LRP1B: variants seen among roughly 807,000 people sequenced by gnomAD.
LRP1B encodes the protein low-density lipoprotein receptor-related protein 1B.
LRP1B carries 217 observed loss-of-function variants against 556.6 expected under a neutral mutation model. The ratio of observed to expected loss-of-function variants is 0.39; its 90% CI spans 0.35 to 0.44. The LOEUF is 0.44. LRP1B is among the 20% of genes least tolerant of loss of function. The probability of loss-of-function intolerance (pLI) is 1.00; values close to 1 mark genes in which losing one functional copy is unlikely to be tolerated. For synonymous variants in LRP1B, 2,047 were observed against 1,865.8 expected, an observed-to-expected ratio of 1.10 and a Z score of -2.50; for missense variants, 5,053 against 5,620.8, an observed-to-expected ratio of 0.90 and a Z score of 3.23.
intron 53 of LRP1B, 73 bp from the exon 54 acceptor site, chr2:140,503,176 C>G (rs1294903515): frequency 7.5e-7 from 1 of 1,328,160 alleles, no homozygotes; most frequent in African/African-American, 1.4e-5. Flanking sequence ...CCTCAATGTA[C>G]ACTACACCGG....
chr2:141,779,271 C>A (rs776522029), intron 2 of LRP1B, among the ~76,000 whole-genome samples: 4 of 152,048 alleles, frequency 2.6e-5, no homozygotes, highest in Non-Finnish European at 5.9e-5. Flanking sequence ...AAATGCTTTC[C>A]TATTATGTGT....
At chr2:141,258,585 T>G (rs886270894) in intron 3 of LRP1B, among the ~76,000 whole-genome samples, 3 of 152,206 alleles carry the variant, frequency 2.0e-5, no homozygotes, top group African/African-American at 7.2e-5. Flanking sequence ...AGGTATCTTT[T>G]TATGACCTTG....
Position 140,601,597 on chromosome 2 carries a change from T to A in LRP1B, c.6842A>T (p.Asp2281Val). Residue 2281 changes from aspartate (D) to valine (V), a missense_variant, in exon 42 of 91, where the codon GAT becomes GTT. This residue lies in a region of LRP1B where 3,619 missense variants were observed against 3,931.9 expected (regional missense o/e 0.92). Coordinates refer to ENST00000389484, the MANE Select transcript of LRP1B (RefSeq NM_018557.3). ...GGTAGAGCTTGTCCAGTACAGTGTA[T>A]CCCAGGCTCTGTGATAGGCAAGTCC... is the stretch of plus-strand genomic sequence containing the variant. The part of the protein sequence containing the change: ...VEGLAYHRAW[D>V]TLYWTSSTTS... 6.2e-7 allele frequency: 1 copy of A among 1,608,786 alleles called. No individual in the cohort carries two copies. Among genetic ancestry groups the A allele is most frequent in the Non-Finnish European group, 8.5e-7 (1 of 1,176,680 alleles).
At chr2:141,473,867 A>G (rs1482736208) in intron 3 of LRP1B, among the ~76,000 whole-genome samples, 2 of 152,170 alleles carry the variant, frequency 1.3e-5, no homozygotes, top group African/African-American at 2.4e-5. Flanking sequence ...GCATGCTGAA[A>G]TTCCACTCTA....
At chr2:141,062,795 C>A (rs1168228742) in intron 7 of LRP1B, among the ~76,000 whole-genome samples, 1 of 151,760 alleles carries the variant, frequency 6.6e-6, no homozygotes, top group Non-Finnish European at 1.5e-5. Flanking sequence ...TTTGTAGCAA[C>A]AGAAATAAAA....
intron 3 of LRP1B, 37 bp from the exon 4 acceptor site, chr2:141,254,678 C>A: frequency 6.9e-7 from 1 of 1,456,388 alleles, no homozygotes; most frequent in Non-Finnish European, 9.5e-7. Flanking sequence ...CTATATTTAA[C>A]TGTATATGTA....
At chr2:141,516,749 G>A (rs1684326986) in intron 2 of LRP1B, among the ~76,000 whole-genome samples, 1 of 147,000 alleles carries the variant, frequency 6.8e-6, no homozygotes, top group East Asian at 2.0e-4. Context: ...CCAGGCTGGA[G>A]TGCAATGATG....
At position 141,015,715 on chromosome 2, in the gene LRP1B, A is replaced by G. The variant is rs2105388849; in HGVS notation, c.2171T>C (p.Leu724Ser). 6.2e-7 allele frequency: 1 copy of G among 1,612,816 alleles called. No homozygotes were observed. The highest frequency in any genetic ancestry group is 8.5e-7 in the Non-Finnish European group (1 of 1,179,292). The change falls in exon 13 of 91, where the codon TTG (leucine) becomes TCG (serine). Residue 724 changes from leucine to serine, a missense_variant. By Grantham distance (145) the Leu-to-Ser change is moderately radical. Coordinates refer to ENST00000389484, the MANE Select transcript of LRP1B (RefSeq NM_018557.3). ...TTTTACCTTCCTGTGAGTCCCATTC[A>G]AAAATACTTTTTCAATATGATCGTA... Reference protein sequence around the residue: ...AYYDHIEKVFLNGTHRKIVYS... With the variant: ...AYYDHIEKVFSNGTHRKIVYS...
chr2:141,676,684 C>A (rs1404964372), intron 2 of LRP1B, among the ~76,000 whole-genome samples: 1 of 152,068 alleles, frequency 6.6e-6, no homozygotes, highest in African/African-American at 2.4e-5. Context: ...CTAGGTTAAA[C>A]CCTTCATTTA....
intron 3 of LRP1B, among the ~76,000 whole-genome samples, chr2:141,467,874 A>G (rs906794220): frequency 3.3e-5 from 5 of 149,838 alleles, no homozygotes; most frequent in Admixed American, 6.7e-5. Context: ...AGTGTAGCAC[A>G]TACTATCCCT....
intron 35 of LRP1B, among the ~76,000 whole-genome samples, chr2:140,762,411 T>C (rs1413615849): frequency 1.3e-5 from 2 of 152,132 alleles, no homozygotes; most frequent in Admixed American, 6.6e-5. Flanking sequence ...ATGACATAAA[T>C]ACACAAAGTT....
intron 3 of LRP1B, among the ~76,000 whole-genome samples, chr2:141,455,265 C>G (rs1344170902): frequency 6.7e-6 from 1 of 148,482 alleles, no homozygotes; most frequent in Non-Finnish European, 1.5e-5. Context: ...AAAAAAGGAA[C>G]AAAGAAAAAT....
At chr2:140,939,885 A>ATTT (rs3063651) in intron 20 of LRP1B, among the ~76,000 whole-genome samples, 7,969 of 132,572 alleles carry the variant, frequency 0.06, 396 homozygotes, top group Middle Eastern at 0.091. Context: ...ATTTGGTGTA[A>ATTT]TTTTTTTTTT....
intron 42 of LRP1B, among the ~76,000 whole-genome samples, 187 bp downstream of exon 42, chr2:140,601,263 G>C (rs1446155095): frequency 6.6e-6 from 1 of 151,618 alleles, no homozygotes; most frequent in African/African-American, 2.4e-5. Flanking sequence ...ATGAAGCCTG[G>C]CTTTTAAAGG....
Position 141,739,239 on chromosome 2 carries a change from C to G in LRP1B, c.205+71040G>C, listed in dbSNP as rs191885541. ...ATCCTCTTTTTCTTTAAGTGCTAATCAGATCAATAATCTCCTGGGAGGTTG... is the reference window on the plus strand; with the variant it reads ...ATCCTCTTTTTCTTTAAGTGCTAATGAGATCAATAATCTCCTGGGAGGTTG... On this transcript the variant is annotated intron_variant, in intron 2 of 90. Transcript: ENST00000389484. Among the ~76,000 whole-genome samples the G allele has an allele frequency of 3.3e-5, 5 of 152,142 alleles. No individual in the cohort carries two copies. In the East Asian group the frequency reaches 9.7e-4, roughly 29 times the overall value.
intron 31 of LRP1B, among the ~76,000 whole-genome samples, chr2:140,829,800 TA>T (rs1422138812): frequency 4.6e-5 from 7 of 151,022 alleles, no homozygotes; most frequent in African/African-American, 1.7e-4. Flanking sequence ...CAATTGAGAA[TA>T]AAAAATAATA....
At chr2:140,297,720 A>C in intron 84 of LRP1B, 88 bp downstream of exon 84, 1 of 1,418,420 alleles carries the variant, frequency 7.1e-7, no homozygotes. Context: ...AGGATGGCTA[A>C]AATTAAGATA....
intron 8 of LRP1B, among the ~76,000 whole-genome samples, chr2:141,060,748 C>T (rs560193118): frequency 2.0e-5 from 3 of 151,808 alleles, no homozygotes; most frequent in South Asian, 4.1e-4. Flanking sequence ...ACTGTTTCCC[C>T]TAAAACAGGC....
chr2:142,086,653 C>G (rs1378545970), intron 1 of LRP1B, among the ~76,000 whole-genome samples: 1 of 146,536 alleles, frequency 6.8e-6, no homozygotes, highest in Non-Finnish European at 1.5e-5. Context: ...AAAAAAAACA[C>G]AACTTGTCTC....
Sources: allele counts gnomAD v4.1 joint callset (sites outside exome capture counted in the v4.1 genomes callset), GRCh38; gene constraint gnomAD v4.1.1; regional missense constraint gnomAD v4.1.1; transcripts MANE v1.5; gene names NCBI Gene and HGNC (gene_info 2026-07-23, HGNC 2026-07-21).